Variants in EPHA6 observed in about 807,000 individuals in gnomAD.
EPHA6 encodes the protein EPH receptor A6.
In EPHA6, 50 loss-of-function variants were observed where a neutral mutation model predicts 112.0. That is an observed-to-expected ratio of 0.45 (90% CI 0.36 to 0.56). The LOEUF is 0.56. Ranked by LOEUF, EPHA6 falls within the 20% of genes least tolerant of loss-of-function variation. The pLI, the probability that EPHA6 is intolerant of heterozygous loss-of-function variation, is 0.00. For synonymous variants in EPHA6, 529 were observed against 490.7 expected (o/e 1.08, Z -1.03); for missense variants, 1,280 against 1,417.4 (o/e 0.90, Z 1.56).
At chr3:97,090,598 G>C (rs2047033839) in intron 3 of EPHA6, among the ~76,000 whole-genome samples, 1 of 152,064 alleles carries the variant, frequency 6.6e-6, no homozygotes, top group South Asian at 2.1e-4. Flanking sequence ...TGCCTCATAT[G>C]ATCTGAATTT....
chr3:97,122,871 G>C (rs1412155626), intron 3 of EPHA6, among the ~76,000 whole-genome samples: 1 of 151,946 alleles, frequency 6.6e-6, no homozygotes. Context: ...AAATCCTGCT[G>C]TTTTATGAAA....
chr3:97,008,591 C>A (rs771677478), intron 3 of EPHA6, among the ~76,000 whole-genome samples: 8 of 152,178 alleles, frequency 5.3e-5, no homozygotes, highest in Non-Finnish European at 1.2e-4. Flanking sequence ...TATTACCCAT[C>A]TCCTAAAGCC....
intron 3 of EPHA6, among the ~76,000 whole-genome samples, chr3:97,118,731 C>G (rs905556606): frequency 1.3e-5 from 2 of 151,900 alleles, no homozygotes; most frequent in African/African-American, 4.8e-5. Context: ...AATTACTTAA[C>G]TTCCCTAATA....
intron 14 of EPHA6, among the ~76,000 whole-genome samples, chr3:97,688,207 T>C (rs1353464000): frequency 3.9e-5 from 6 of 152,208 alleles, no homozygotes; most frequent in Non-Finnish European, 8.8e-5. Context: ...TCAATGTATG[T>C]CCAGAAAACT....
chr3:97,530,554 G>C (rs370580559), intron 10 of EPHA6, among the ~76,000 whole-genome samples: 1 of 148,202 alleles, frequency 6.7e-6, no homozygotes, highest in East Asian at 2.0e-4. Context: ...TTTTTTCAGT[G>C]AAGTCAGGAA....
At chr3:97,022,826 G>A (rs1039957717) in intron 3 of EPHA6, among the ~76,000 whole-genome samples, 4 of 152,080 alleles carry the variant, frequency 2.6e-5, no homozygotes, top group Non-Finnish European at 5.9e-5. Context: ...TTTATTCTTG[G>A]TTAAAATCCA....
At chr3:97,558,338 T>C (rs1386948177) in intron 11 of EPHA6, among the ~76,000 whole-genome samples, 2 of 152,130 alleles carry the variant, frequency 1.3e-5, no homozygotes, top group Non-Finnish European at 2.9e-5. Flanking sequence ...GCTACTGGGC[T>C]TCCAAAGACA....
At chr3:97,324,530 T>TTTCTCTCC (rs2082324034) in intron 5 of EPHA6, among the ~76,000 whole-genome samples, 1 of 149,986 alleles carries the variant, frequency 6.7e-6, no homozygotes, top group Non-Finnish European at 1.5e-5. Context: ...TCTTTCTTTC[T>TTTCTCTCC]TTCTCTCTTT....
At chr3:97,363,879 A>G (rs1325640238) in intron 5 of EPHA6, among the ~76,000 whole-genome samples, 1 of 152,148 alleles carries the variant, frequency 6.6e-6, no homozygotes, top group Non-Finnish European at 1.5e-5. Context: ...TAAGGACAGG[A>G]GGCTAAGTGA....
chr3:97,250,898 C>T (rs1290232023), intron 5 of EPHA6, among the ~76,000 whole-genome samples: 2 of 151,208 alleles, frequency 1.3e-5, no homozygotes, highest in Admixed American at 6.6e-5. Context: ...GACAGAGTCT[C>T]ACTTTGTCCC....
At chr3:96,893,095 T>C (rs1055735398) in intron 2 of EPHA6, among the ~76,000 whole-genome samples, 1 of 152,084 alleles carries the variant, frequency 6.6e-6, no homozygotes, top group African/African-American at 2.4e-5. Flanking sequence ...TGTGACGTTG[T>C]AGCTATCATA....
At chr3:97,384,134 A>G (rs1327855697) in intron 5 of EPHA6, among the ~76,000 whole-genome samples, 2 of 152,186 alleles carry the variant, frequency 1.3e-5, no homozygotes, top group Admixed American at 6.6e-5. Context: ...TGTTTATTCA[A>G]TGTTGTCTTT....
At chr3:97,329,880 G>A (rs2082695285) in intron 5 of EPHA6, among the ~76,000 whole-genome samples, 1 of 152,012 alleles carries the variant, frequency 6.6e-6, no homozygotes, top group Non-Finnish European at 1.5e-5. Flanking sequence ...TTTTAGACAT[G>A]AAGTCCTAGC....
At chr3:97,712,622 C>T (rs1463130474) in intron 14 of EPHA6, among the ~76,000 whole-genome samples, 1 of 152,048 alleles carries the variant, frequency 6.6e-6, no homozygotes, top group Non-Finnish European at 1.5e-5. Flanking sequence ...TACAGATGTC[C>T]CCCAGAATAG....
Position 97,275,990 on chromosome 3 carries a change from G to C in EPHA6, c.1606+31703G>C, listed in dbSNP as rs530176965. ...TGGGCAGGCGGGGATAACTAAAAAA[G>C]AGTGCATAAAATAATGTTGTCCAAG... On this transcript the variant is annotated intron_variant, in intron 5 of 17. Transcript: ENST00000389672. Among the ~76,000 whole-genome samples the C allele has an allele frequency of 5.3e-5, 8 of 152,242 alleles. No homozygotes were observed. The South Asian group carries it at 1.5e-3, about 28-fold the overall frequency.
At chr3:97,362,306 C>T (rs573071610) in intron 5 of EPHA6, among the ~76,000 whole-genome samples, 2 of 151,934 alleles carry the variant, frequency 1.3e-5, no homozygotes, top group African/African-American at 2.4e-5. Context: ...TATGAGCATG[C>T]GCACATGTGA....
At chr3:97,244,348 C>T (rs761521927) in intron 5 of EPHA6, 61 bp downstream of exon 5, 18 of 1,398,300 alleles carry the variant, frequency 1.3e-5, no homozygotes, top group Non-Finnish European at 1.8e-5. Flanking sequence ...CATAAATATC[C>T]CTCATGGGCA....
At chr3:97,569,355 T>C (rs989644815) in intron 11 of EPHA6, among the ~76,000 whole-genome samples, 9 of 152,120 alleles carry the variant, frequency 5.9e-5, no homozygotes, top group Non-Finnish European at 2.9e-5. Context: ...TAAAAATAAA[T>C]AGTGAATGAG....
chr3:97,431,540 A>G (rs1247423925), intron 6 of EPHA6, among the ~76,000 whole-genome samples: 4 of 152,138 alleles, frequency 2.6e-5, no homozygotes, highest in Non-Finnish European at 4.4e-5. Context: ...AATTATTTCC[A>G]TATGTCCCTT....
Sources: allele counts gnomAD v4.1 joint callset (sites outside exome capture counted in the v4.1 genomes callset), GRCh38; gene constraint gnomAD v4.1.1; transcripts MANE v1.5; gene names NCBI Gene and HGNC (gene_info 2026-07-23, HGNC 2026-07-21).